MED26: variants seen among roughly 807,000 people sequenced by gnomAD.
The protein encoded by MED26 is mediator of RNA polymerase II transcription subunit 26.
Under a neutral mutation model 43.7 loss-of-function variants are expected in MED26, and 7 were observed. The observed-to-expected ratio is 0.16, with a 90% CI of 0.09 to 0.30. The LOEUF (loss-of-function observed/expected upper bound fraction) is 0.30, where lower values mean the gene tolerates loss of function less well. MED26 is among the 10% of genes least tolerant of loss of function. MED26 has a pLI of 1.00. For missense variants in MED26, 784 were observed against 840.6 expected (o/e 0.93, Z 0.83); for synonymous variants, 375 against 371.1 (o/e 1.01, Z -0.12).
intron 1 of MED26, among the ~76,000 whole-genome samples, chr19:16,585,288 G>A (rs73515000): frequency 0.03 from 4,497 of 152,222 alleles, 169 homozygotes; most frequent in Admixed American, 0.084. Context: ...CAGAGAGCCC[G>A]AACCAGGGGC....
At chr19:16,615,297 A>C (rs1004096591) in intron 1 of MED26, among the ~76,000 whole-genome samples, 4 of 152,150 alleles carry the variant, frequency 2.6e-5, no homozygotes, top group African/African-American at 4.8e-5. Flanking sequence ...GCATGGCTGG[A>C]GCAGGAGAGG....
intron 1 of MED26, among the ~76,000 whole-genome samples, chr19:16,595,212 C>T (rs1391190213): frequency 6.6e-6 from 1 of 152,188 alleles, no homozygotes; most frequent in East Asian, 1.9e-4. Flanking sequence ...AGATGGTTGA[C>T]CCCAGCCCTC....
At chr19:16,616,393 G>A (rs2086226380) in intron 1 of MED26, among the ~76,000 whole-genome samples, 2 of 152,162 alleles carry the variant, frequency 1.3e-5, no homozygotes. Context: ...GCCACCTAAA[G>A]AGCTGAGACT....
chr19:16,577,726 T>A lies in MED26; in HGVS notation c.148-44A>T. ...GATGACATACTTTCGGGACAGGAACTTCTCCATGAGCTGAGCCAGAAATGG... is the reference window on the plus strand; with the variant it reads ...GATGACATACTTTCGGGACAGGAACATCTCCATGAGCTGAGCCAGAAATGG... On this transcript the variant is annotated intron_variant, in intron 2 of 2. Coordinates refer to ENST00000263390, the MANE Select transcript of MED26 (RefSeq NM_004831.5). The surrounding 1 kb of genome is among the most constrained non-coding windows in gnomAD (Gnocchi z 8.1). The A allele has an allele frequency of 6.8e-7, 1 of 1,477,708 alleles. No individual in the cohort carries two copies. The highest frequency in any genetic ancestry group is 9.1e-7 in the Non-Finnish European group (1 of 1,093,072). 91.5% of individuals were successfully genotyped at this position (1,477,708 alleles called of 1,614,324 possible). A position where few individuals can be genotyped will look rare whatever the true frequency, so the allele number is the denominator to read the frequency against.
chr19:16,626,887 G>C (rs1400497880), intron 1 of MED26, among the ~76,000 whole-genome samples: 1 of 151,962 alleles, frequency 6.6e-6, no homozygotes, highest in Non-Finnish European at 1.5e-5. Flanking sequence ...GAAACTCTTG[G>C]AGAAAATATG....
At chr19:16,595,056 C>T (rs2086114083) in intron 1 of MED26, among the ~76,000 whole-genome samples, 1 of 152,196 alleles carries the variant, frequency 6.6e-6, no homozygotes, top group African/African-American at 2.4e-5. Context: ...CTTGGGGCTC[C>T]TCAGGCCCCA....
rs1415251661 is a variant in MED26 at position 16,575,765 on chromosome 19, T to A, written c.*262A>T. On this transcript the variant is annotated 3_prime_UTR_variant, in exon 3 of 3. Coordinates refer to ENST00000263390, the MANE Select transcript of MED26 (RefSeq NM_004831.5). Reference sequence around the variant, plus strand: ...TTTTATAGCTGGTTTGCTATAGAGTTCTGAACTCACTTTGCCGTCCTTCCT... The same window carrying A: ...TTTTATAGCTGGTTTGCTATAGAGTACTGAACTCACTTTGCCGTCCTTCCT... The A allele has an allele frequency of 3.1e-5, 16 of 511,314 alleles. No individual in the cohort carries two copies. Among genetic ancestry groups the A allele is most frequent in the Middle Eastern group, 5.2e-4 (1 of 1,908 alleles). The allele number at this position is 511,314 out of a possible 1,614,324, so 31.7% of individuals were successfully genotyped here. A position where few individuals can be genotyped will look rare whatever the true frequency, so the allele number is the denominator to read the frequency against.
intron 1 of MED26, among the ~76,000 whole-genome samples, chr19:16,606,831 T>C (rs772776391): frequency 6.6e-5 from 10 of 152,214 alleles, no homozygotes; most frequent in Non-Finnish European, 1.2e-4. Flanking sequence ...TTTTGCAGGT[T>C]TGGTGGGAAC....
intron 1 of MED26, among the ~76,000 whole-genome samples, chr19:16,599,396 C>T (rs1298766314): frequency 6.6e-6 from 1 of 152,148 alleles, no homozygotes; most frequent in African/African-American, 2.4e-5. Context: ...CTCTGGCCAT[C>T]CTAAACAAAT....
chr19:16,627,925 A>G lies in MED26; in HGVS notation c.19T>C (p.Ser7Pro). 1 of 1,489,094 alleles carries G rather than the reference A, an allele frequency of 6.7e-7. No homozygotes were observed. The highest frequency in any genetic ancestry group is 2.9e-5 in the East Asian group (1 of 34,740). 92.2% of individuals were successfully genotyped at this position (1,489,094 alleles called of 1,614,324 possible). The stretch of plus-strand genomic sequence containing the variant: ...AGCCGGTCCCTGATCTGCTGCGGAG[A>G]CGCCGGAGCCGCTGTCATTGCCTGG... MTAAPA[S>P]PQQIRDRLLQ... The change falls in exon 1 of 3, where the codon TCT becomes CCT. Residue 7 changes from serine (S) to proline (P), a missense_variant. Ser to Pro is a moderately conservative substitution (Grantham distance 74, BLOSUM62 -1). This residue lies in a region of MED26 where 37 missense variants were observed against 30.3 expected (regional missense o/e 1.22). Transcript: ENST00000263390.
chr19:16,627,808 C>G, intron 1 of MED26, 64 bp downstream of exon 1: 1 of 1,261,586 alleles, frequency 7.9e-7, no homozygotes, highest in Non-Finnish European at 1.1e-6. Flanking sequence ...GCGAGGGGTA[C>G]AGGAGAGGGG....
intron 1 of MED26, among the ~76,000 whole-genome samples, chr19:16,613,701 A>AT (rs1255229071): frequency 1.3e-5 from 2 of 152,226 alleles, no homozygotes; most frequent in Non-Finnish European, 2.9e-5. Flanking sequence ...GAATCAGCCC[A>AT]TCTATAAAAT....
chr19:16,597,923 T>C (rs56321686), intron 1 of MED26, among the ~76,000 whole-genome samples: 71,074 of 151,734 alleles, frequency 0.47, 20,485 homozygotes, highest in African/African-American at 0.82. Context: ...CAGGGTTTCA[T>C]CATGTTGGCC....
intron 1 of MED26, among the ~76,000 whole-genome samples, chr19:16,619,030 C>T (rs571533343): frequency 6.6e-6 from 1 of 152,216 alleles, no homozygotes; most frequent in Admixed American, 6.5e-5. Flanking sequence ...CCATCAGCCC[C>T]TTTGTGTCTA....
chr19:16,614,544 A>G lies in MED26; in HGVS notation c.72+13328T>C, dbSNP rs1048204843. ...CCCATTTCAAAATAAAATAAAATAA[A>G]ATAAAAAGGTGGGGGGTGGGTGGGG... is the stretch of plus-strand genomic sequence containing the variant. On this transcript the variant is annotated intron_variant, in intron 1 of 2. Coordinates refer to ENST00000263390, the MANE Select transcript of MED26 (RefSeq NM_004831.5). Among the ~76,000 whole-genome samples the G allele has an allele frequency of 3.1e-4, 47 of 151,774 alleles. 1 individual carries two copies. Among genetic ancestry groups the G allele is most frequent in the Admixed American group, 2.8e-3 (43 of 15,234 alleles).
At chr19:16,599,205 A>G (rs994809957) in intron 1 of MED26, among the ~76,000 whole-genome samples, 1 of 152,134 alleles carries the variant, frequency 6.6e-6, no homozygotes, top group Non-Finnish European at 1.5e-5. Flanking sequence ...GACTTGGGTG[A>G]TATTTCGTGG....
intron 1 of MED26, chr19:16,611,855 T>A (rs1372675122): frequency 1.3e-5 from 2 of 151,968 alleles, no homozygotes; most frequent in African/African-American, 4.8e-5. Flanking sequence ...AGACAAGGTC[T>A]TGTTATGTTG....
intron 1 of MED26, among the ~76,000 whole-genome samples, chr19:16,594,943 G>C (rs1399310778): frequency 6.6e-6 from 1 of 152,178 alleles, no homozygotes; most frequent in African/African-American, 2.4e-5. Flanking sequence ...CCATCAGCCT[G>C]CCTCGGCCTC....
Position 16,576,924 on chromosome 19 carries a change from C to T in MED26, c.906G>A (p.Pro302=), listed in dbSNP as rs946026966. The T allele has an allele frequency of 6.3e-6, 10 of 1,596,074 alleles. No homozygotes were observed. Among genetic ancestry groups the T allele is most frequent in the Admixed American group, 3.4e-5 (2 of 58,940 alleles). Reference sequence around the variant, plus strand: ...GTGTGGCATCGAGTGCCTGGGGCCGCGGTGAGGGGCTGGGCACGGAGCCCT... The same window carrying T: ...GTGTGGCATCGAGTGCCTGGGGCCGTGGTGAGGGGCTGGGCACGGAGCCCT... ...APKGSVPSPS[P]RPQALDATQV... is the part of the protein sequence containing the mutation. The change falls in exon 3 of 3, where the codon CCG becomes CCA. Residue 302 remains proline (P), a synonymous_variant. Coordinates refer to ENST00000263390, the MANE Select transcript of MED26 (RefSeq NM_004831.5). The surrounding 1 kb of genome is among the most constrained non-coding windows in gnomAD (Gnocchi z 6.8).
Sources: gnomAD v4.1 joint callset for allele counts (sites outside exome capture counted in the v4.1 genomes callset) on GRCh38, gnomAD v4.1.1 for gene constraint, gnomAD v4.1.1 regional missense constraint, Gnocchi (gnomAD v3.1) non-coding constraint, MANE v1.5 for transcripts, NCBI Gene and HGNC (gene_info 2026-07-23, HGNC 2026-07-21) for gene names.